The following CREB5 variants were observed in gnomAD, a reference collection of about 807,000 sequenced individuals.
CREB5 encodes cyclic AMP-responsive element-binding protein 5.
CREB5 carries 19 observed loss-of-function variants against 57.1 expected under a neutral mutation model. That is an observed-to-expected ratio of 0.33 (90% CI 0.23 to 0.49). CREB5 has a LOEUF of 0.49. CREB5 is among the 20% of genes least tolerant of loss of function. The pLI is 0.99. For synonymous variants in CREB5, 238 were observed against 238.3 expected, an observed-to-expected ratio of 1.00 and a Z score of 0.01; for missense variants, 579 against 671.6, an observed-to-expected ratio of 0.86 and a Z score of 1.52.
intron 5 of CREB5, among the ~76,000 whole-genome samples, chr7:28,694,088 A>C (rs1442728854): frequency 6.6e-6 from 1 of 152,172 alleles, no homozygotes; most frequent in East Asian, 1.9e-4. Flanking sequence ...TTTGTTAAGT[A>C]GTAGATTTCT....
chr7:28,623,448 C>T (rs922806685), intron 5 of CREB5, among the ~76,000 whole-genome samples: 4 of 152,100 alleles, frequency 2.6e-5, no homozygotes, highest in Admixed American at 6.5e-5. Context: ...TCTGAAATGC[C>T]GCTTCTCTGT....
In CREB5 at chr7:28,394,070, C is replaced by CA. The variant is rs56166148; in HGVS notation, c.-25+94665dup. 1.3e-3 allele frequency among the ~76,000 whole-genome samples: 67 copies of CA among 52,996 alleles called. 18 individuals are homozygous for CA. Among genetic ancestry groups the CA allele is most frequent in the African/African-American group, 2.5e-3 (23 of 9,320 alleles). 34.8% of individuals were successfully genotyped at this position (52,996 alleles called of 152,430 possible). ...TGGGGGATGGAGCAAGACTCTGTCT[C>CA]AAAAAAAAAAAAAAAAAAAAAAAAA... On this transcript the variant is annotated intron_variant, in intron 1 of 9. Transcript: ENST00000396299.
At chr7:28,466,082 A>G (rs1470410453) in intron 1 of CREB5, among the ~76,000 whole-genome samples, 1 of 152,182 alleles carries the variant, frequency 6.6e-6, no homozygotes, top group African/African-American at 2.4e-5. Flanking sequence ...CCTGAAGGGC[A>G]TAATAACACC....
chr7:28,695,264 G>A (rs1801488995), intron 5 of CREB5, among the ~76,000 whole-genome samples: 1 of 152,138 alleles, frequency 6.6e-6, no homozygotes, highest in South Asian at 2.1e-4. Context: ...TGTGAAGAGA[G>A]TTATTCTATA....
At chr7:28,818,647 G>A in intron 10 of CREB5, 1 of 429,346 alleles carries the variant, frequency 2.3e-6, no homozygotes, top group South Asian at 1.7e-5. Flanking sequence ...CCTTCCTTCA[G>A]ACCCCAGTTT....
Position 28,821,334 on chromosome 7 carries a change from A to G in CREB5, c.*2055A>G, listed in dbSNP as rs1338100906. On this transcript the variant is annotated 3_prime_UTR_variant, in exon 11 of 11. Transcript: ENST00000357727. ...TATATAACTAGTTTCAGTTTTATCT[A>G]ATAACTTACTTTTTAAATCAATATT... 3 of 152,078 alleles carry G rather than the reference A, an allele frequency of 2.0e-5. No homozygotes were observed. The highest frequency in any genetic ancestry group is 4.8e-5 in the African/African-American group (2 of 41,410). The allele number at this position is 152,078 out of a possible 1,614,324, so 9.4% of individuals were successfully genotyped here.
chr7:28,343,066 G>A (rs1041610435), intron 1 of CREB5, among the ~76,000 whole-genome samples: 28 of 151,994 alleles, frequency 1.8e-4, no homozygotes, highest in African/African-American at 6.5e-4. Flanking sequence ...TCAGCCTCCC[G>A]AGTAGCTGGG....
chr7:28,407,875 G>A (rs1226537490), upstream of CREB5, among the ~76,000 whole-genome samples: 4 of 152,206 alleles, frequency 2.6e-5, no homozygotes, highest in African/African-American at 9.7e-5. Context: ...TGATTCTCTG[G>A]CAAACTGCAC....
intron 5 of CREB5, among the ~76,000 whole-genome samples, chr7:28,675,325 T>A (rs1800266988): frequency 6.6e-6 from 1 of 152,194 alleles, no homozygotes; most frequent in African/African-American, 2.4e-5. Flanking sequence ...GTCTCTGAAA[T>A]AGAGCCAAGA....
chr7:28,723,668 C>A (rs1803173010), intron 6 of CREB5, among the ~76,000 whole-genome samples: 1 of 152,242 alleles, frequency 6.6e-6, no homozygotes, highest in South Asian at 2.1e-4. Flanking sequence ...AGGCCCACCA[C>A]CTCTGAGAGT....
intron 1 of CREB5, among the ~76,000 whole-genome samples, chr7:28,302,420 G>A (rs1785112126): frequency 6.6e-6 from 1 of 152,136 alleles, no homozygotes; most frequent in Admixed American, 6.5e-5. Flanking sequence ...ACTTTAATGT[G>A]TTTTTGTCAT....
chr7:28,776,482 T>G (rs1249957858), intron 7 of CREB5, among the ~76,000 whole-genome samples: 1 of 152,234 alleles, frequency 6.6e-6, no homozygotes, highest in Admixed American at 6.5e-5. Flanking sequence ...GCTTTTTATT[T>G]GGAGGAACAG....
intron 1 of CREB5, among the ~76,000 whole-genome samples, chr7:28,321,231 T>C (rs1785490175): frequency 6.6e-6 from 1 of 152,178 alleles, no homozygotes; most frequent in Non-Finnish European, 1.5e-5. Flanking sequence ...TTTTTTTTTG[T>C]ACCCTTCATC....
chr7:28,560,590 A>G (rs1277336189), intron 4 of CREB5, among the ~76,000 whole-genome samples: 1 of 152,128 alleles, frequency 6.6e-6, no homozygotes, highest in Non-Finnish European at 1.5e-5. Flanking sequence ...ACAGGAGGTG[A>G]CAGACCTCTA....
intron 7 of CREB5, among the ~76,000 whole-genome samples, chr7:28,743,095 T>A (rs1470209994): frequency 2.0e-5 from 3 of 152,228 alleles, no homozygotes; most frequent in Non-Finnish European, 4.4e-5. Flanking sequence ...ATTTTGCTTT[T>A]ACTAATCGAG....
intron 1 of CREB5, among the ~76,000 whole-genome samples, chr7:28,482,634 C>G (rs1791381427): frequency 6.6e-6 from 1 of 152,164 alleles, no homozygotes; most frequent in Non-Finnish European, 1.5e-5. Context: ...GTGAGTCCTG[C>G]CAAGAAGGCT....
At chr7:28,480,398 T>TG (rs1285134066) in intron 1 of CREB5, among the ~76,000 whole-genome samples, 1 of 152,208 alleles carries the variant, frequency 6.6e-6, no homozygotes, top group African/African-American at 2.4e-5. Context: ...CAGGAGTTCA[T>TG]GGGGGCAGTT....
intron 5 of CREB5, among the ~76,000 whole-genome samples, chr7:28,678,310 C>T (rs940818175): frequency 3.7e-4 from 56 of 151,992 alleles, no homozygotes; most frequent in Non-Finnish European, 8.8e-5. Context: ...ATTGCTTGAA[C>T]CCCGGAGGTG....
chr7:28,338,239 A>T (rs1457821117), intron 1 of CREB5, among the ~76,000 whole-genome samples: 2 of 152,046 alleles, frequency 1.3e-5, no homozygotes, highest in African/African-American at 4.8e-5. Flanking sequence ...ATGATTTCTT[A>T]TTGCACAATA....
Sources: allele counts gnomAD v4.1 joint callset (sites outside exome capture counted in the v4.1 genomes callset), GRCh38; gene constraint gnomAD v4.1.1; transcripts MANE v1.5; gene names NCBI Gene and HGNC (gene_info 2026-07-23, HGNC 2026-07-21).